ZNF483: variants seen among roughly 807,000 people sequenced by gnomAD.
ZNF483 encodes zinc finger protein HIT-10.
In ZNF483, 9 loss-of-function variants were observed where a neutral mutation model predicts 28.6. That is an observed-to-expected ratio of 0.32 (90% CI 0.19 to 0.55). ZNF483 has a LOEUF of 0.55. Among genes scored for constraint, ZNF483 ranks in the 20% least tolerant of loss-of-function variants. ZNF483 has a pLI of 0.93. For synonymous variants in ZNF483, 322 were observed against 306.2 expected (o/e 1.05, Z -0.54); for missense variants, 675 against 871.7 (o/e 0.77, Z 2.84).
Position 111,549,681 on chromosome 9 carries a change from T to C in ZNF483, c.*6511T>C, listed in dbSNP as rs1201170916. 7 of 1,523,022 alleles carry C rather than the reference T, an allele frequency of 4.6e-6. No individual in the cohort carries two copies. The East Asian group carries it at 1.7e-4, about 38-fold the overall frequency. 94.3% of individuals were successfully genotyped at this position (1,523,022 alleles called of 1,614,324 possible). On this transcript the variant is annotated 3_prime_UTR_variant, in exon 6 of 6. Coordinates refer to ENST00000309235, the MANE Select transcript of ZNF483 (RefSeq NM_133464.5). ...GCAGCAGGGTTCCCCATTGATTTTCTAAATGTTTGTAGTCCTTTTGTAAAG... is the reference window on the plus strand; with the variant it reads ...GCAGCAGGGTTCCCCATTGATTTTCCAAATGTTTGTAGTCCTTTTGTAAAG...
intron 5 of ZNF483, among the ~76,000 whole-genome samples, chr9:111,540,609 C>G (rs567650772): frequency 6.6e-6 from 1 of 152,256 alleles, no homozygotes; most frequent in South Asian, 2.1e-4. Context: ...GGAACTGCAG[C>G]AGTGTAGGAG....
exon 6 of ZNF483, chr9:111,576,965 C>T (rs1004009871): frequency 6.6e-6 from 1 of 152,128 alleles, no homozygotes; most frequent in Non-Finnish European, 1.5e-5. Flanking sequence ...GTGGTGCATG[C>T]CTGTAATCCC....
At chr9:111,538,493 G>GAAAA (rs11463840) in intron 5 of ZNF483, among the ~76,000 whole-genome samples, 1 of 140,920 alleles carries the variant, frequency 7.1e-6, no homozygotes. Flanking sequence ...CCATCTCTTA[G>GAAAA]AAAAAAAAAA....
At position 111,551,400 on chromosome 9, in the gene ZNF483, GTTTTTTTTTTTTT is replaced by G. The variant is rs58638722; in HGVS notation, c.*8243_*8255del. Among the ~76,000 whole-genome samples, 1 of 74,430 alleles carries G rather than the reference GTTTTTTTTTTTTT, an allele frequency of 1.3e-5. No homozygotes were observed. 48.8% of individuals were successfully genotyped at this position (74,430 alleles called of 152,430 possible). On this transcript the variant is annotated 3_prime_UTR_variant, in exon 6 of 6. Coordinates refer to ENST00000309235, the MANE Select transcript of ZNF483 (RefSeq NM_133464.5). Reference sequence around the variant, plus strand: ...TAACTGAATCAAGTATCCAGTTTTTGTTTTTTTTTTTTTTTTTTTTTTTTTGAGATGGAGTCTC... The same window carrying G: ...TAACTGAATCAAGTATCCAGTTTTTGTTTTTTTTTTTTGAGATGGAGTCTC...
rs1335517210 is a variant in ZNF483, at chr9:111,543,008, T to C, written c.2073T>C (p.Tyr691=). ...GAATTCATACAGGAGAGAAACCCTATGAGTGTAACTATTGTGGTGCAACCT... is the reference window on the plus strand; with the variant it reads ...GAATTCATACAGGAGAGAAACCCTACGAGTGTAACTATTGTGGTGCAACCT... ...HHRIHTGEKP[Y]ECNYCGATFS... Residue 691 remains tyrosine, a synonymous_variant, in exon 6 of 6, where the codon TAT becomes TAC. Coordinates refer to ENST00000309235, the MANE Select transcript of ZNF483 (RefSeq NM_133464.5). 1 of 1,614,200 alleles carries C rather than the reference T, an allele frequency of 6.2e-7. No homozygotes were observed. The highest frequency in any genetic ancestry group is 2.2e-5 in the East Asian group (1 of 44,874).
Position 111,541,906 on chromosome 9 carries a change from A to T in ZNF483, c.971A>T (p.Tyr324Phe), listed in dbSNP as rs1189970355. ...GACTTAATTAAACATCTGAGAGTCT[A>T]CTTGAGGAAGAAATCTCGGAGGTAT... ...TSDLIKHLRV[Y>F]LRKKSRRYNE... is the part of the protein sequence containing the mutation. The change falls in exon 6 of 6, where the codon TAC becomes TTC. Residue 324 changes from tyrosine to phenylalanine, a missense_variant. By Grantham distance (22) the Tyr-to-Phe change is conservative. Coordinates refer to ENST00000309235, the MANE Select transcript of ZNF483 (RefSeq NM_133464.5). 6.8e-6 allele frequency: 11 copies of T among 1,614,202 alleles called. No homozygotes were observed. The highest frequency in any genetic ancestry group is 9.3e-6 in the Non-Finnish European group (11 of 1,180,028).
chr9:111,538,013 G>A (rs1042609403), intron 5 of ZNF483, among the ~76,000 whole-genome samples: 2 of 152,038 alleles, frequency 1.3e-5, no homozygotes, highest in African/African-American at 4.8e-5. Context: ...AAGTGTGTGT[G>A]TACGTTTTGA....
intron 2 of ZNF483, among the ~76,000 whole-genome samples, chr9:111,529,682 AAG>A (rs748807065): frequency 1.6e-4 from 25 of 152,242 alleles, no homozygotes; most frequent in Non-Finnish European, 3.2e-4. Context: ...GGTATACAGA[AAG>A]AAGTTTTCGT....
Position 111,541,791 on chromosome 9 carries a change from G to C in ZNF483, c.856G>C (p.Ala286Pro). Residue 286 changes from alanine to proline, a missense_variant, in exon 6 of 6, where the codon GCA (alanine) becomes CCA (proline). Physicochemically the swap from Ala to Pro is conservative, Grantham distance 27. Around this residue, in one of 6 missense-constraint regions of ZNF483, gnomAD observed 525 missense variants for 581.8 expected, o/e 0.90. Coordinates refer to ENST00000309235, the MANE Select transcript of ZNF483 (RefSeq NM_133464.5). Reference protein sequence around the residue: ...GNQGNSKGRVAQNKTLGSGSR... With the variant: ...GNQGNSKGRVPQNKTLGSGSR... Reference sequence around the variant, plus strand: ...TCAGGGAAATTCAAAAGGAAGAGTCGCACAAAACAAAACTCTTGGGAGTGG... The same window carrying C: ...TCAGGGAAATTCAAAAGGAAGAGTCCCACAAAACAAAACTCTTGGGAGTGG... 6.2e-7 allele frequency: 1 copy of C among 1,614,152 alleles called. No individual in the cohort carries two copies. The highest frequency in any genetic ancestry group is 8.5e-7 in the Non-Finnish European group (1 of 1,180,032).
At chr9:111,530,839 T>G (rs527639158) in intron 2 of ZNF483, 36 bp from the exon 3 acceptor site, 1 of 754,380 alleles carries the variant, frequency 1.3e-6, no homozygotes, top group Admixed American at 2.5e-5. Flanking sequence ...GAGGAATCTG[T>G]ATGAACGACT....
Position 111,549,961 on chromosome 9 carries a change from T to G in ZNF483, c.*6791T>G, listed in dbSNP as rs1201556571. 2.0e-5 allele frequency among the ~76,000 whole-genome samples: 3 copies of G among 152,242 alleles called. No homozygotes were observed. The highest frequency in any genetic ancestry group is 7.2e-5 in the African/African-American group (3 of 41,466). ...ACTTGTTTCTTTGTATGCATCGTGATTGTTTTTGTTGACAGCTAGACATTT... is the reference window on the plus strand; with the variant it reads ...ACTTGTTTCTTTGTATGCATCGTGAGTGTTTTTGTTGACAGCTAGACATTT... On this transcript the variant is annotated 3_prime_UTR_variant, in exon 6 of 6. Transcript: ENST00000309235.
At chr9:111,558,569 A>G (rs531951422), downstream of ZNF483, among the ~76,000 whole-genome samples, 57 of 152,344 alleles carry the variant, frequency 3.7e-4, no homozygotes, top group Admixed American at 9.8e-4. Context: ...CCCCAGCCCC[A>G]GAACAAACCA....
At chr9:111,560,045 G>A (rs1449757181), downstream of ZNF483, among the ~76,000 whole-genome samples, 1 of 152,102 alleles carries the variant, frequency 6.6e-6, no homozygotes, top group Non-Finnish European at 1.5e-5. Flanking sequence ...GACTGATACT[G>A]AATCTTCTGG....
At chr9:111,533,927 A>G (rs140154393) in intron 4 of ZNF483, 62 bp downstream of exon 4, 42,262 of 1,564,356 alleles carry the variant, frequency 0.027, 701 homozygotes, top group Middle Eastern at 0.034. Flanking sequence ...GTTCCCTTTT[A>G]TTGAAAGGTA....
In ZNF483 at chr9:111,549,051, C is replaced by T. The variant is rs142371367; in HGVS notation, c.*5881C>T. Among the ~76,000 whole-genome samples the T allele has an allele frequency of 2.6e-5, 4 of 152,202 alleles. No individual in the cohort carries two copies. Among genetic ancestry groups the T allele is most frequent in the African/African-American group, 9.6e-5 (4 of 41,548 alleles). The stretch of plus-strand genomic sequence containing the variant: ...AGGAGTCAATTGCAGTGCTTGTTGC[C>T]ATAGTTCAGAACCTGCACCACAAAG... On this transcript the variant is annotated 3_prime_UTR_variant, in exon 6 of 6. Transcript: ENST00000309235.
Position 111,550,722 on chromosome 9 carries a change from C to T in ZNF483, c.*7552C>T, listed in dbSNP as rs1251855967. Among the ~76,000 whole-genome samples, 2 of 152,212 alleles carry T rather than the reference C, an allele frequency of 1.3e-5. No homozygotes were observed. Among genetic ancestry groups the T allele is most frequent in the Admixed American group, 6.5e-5 (1 of 15,284 alleles). ...TCTTCAACTTTATCTTCCAGCTCTA[C>T]TATTAAATGTTGTGAATGTTTTTAT... On this transcript the variant is annotated 3_prime_UTR_variant, in exon 6 of 6. Coordinates refer to ENST00000309235, the MANE Select transcript of ZNF483 (RefSeq NM_133464.5).
rs980440357 is a variant in ZNF483, at chr9:111,553,070, C to T, written c.*9900C>T. Among the ~76,000 whole-genome samples, 2 of 152,306 alleles carry T rather than the reference C, an allele frequency of 1.3e-5. No homozygotes were observed. The highest frequency in any genetic ancestry group is 2.4e-5 in the African/African-American group (1 of 41,580). Reference sequence around the variant, plus strand: ...AAATTGTTTTGTTAGAAATTTCACTCGCAGTTCATATGAGTAATTTTGTGT... The same window carrying T: ...AAATTGTTTTGTTAGAAATTTCACTTGCAGTTCATATGAGTAATTTTGTGT... On this transcript the variant is annotated 3_prime_UTR_variant, in exon 6 of 6. Transcript: ENST00000309235.
chr9:111,528,109 C>T (rs1431632960), intron 2 of ZNF483: 3 of 1,204,524 alleles, frequency 2.5e-6, no homozygotes, highest in South Asian at 1.7e-5. Context: ...TTTCCCATCC[C>T]CTTCAAGAAC....
At chr9:111,532,301 A>C (rs560652592) in intron 3 of ZNF483, among the ~76,000 whole-genome samples, 2 of 152,322 alleles carry the variant, frequency 1.3e-5, no homozygotes, top group African/African-American at 4.8e-5. Flanking sequence ...ACCGTACTCC[A>C]GCCTGGGTAA....
Sources: allele counts gnomAD v4.1 joint callset (sites outside exome capture counted in the v4.1 genomes callset), GRCh38; gene constraint gnomAD v4.1.1; regional missense constraint gnomAD v4.1.1; transcripts MANE v1.5; gene names NCBI Gene and HGNC (gene_info 2026-07-23, HGNC 2026-07-21).